Variants in PITPNC1 observed in about 807,000 individuals in gnomAD.
PITPNC1 encodes phosphatidylinositol transfer protein cytoplasmic 1.
A neutral mutation model predicts 44.7 loss-of-function variants in PITPNC1; 18 were observed. The observed-to-expected ratio is 0.40, with a 90% confidence interval of 0.28 to 0.60. PITPNC1 has a LOEUF of 0.60. Among genes scored for constraint, PITPNC1 ranks in the 20% least tolerant of loss-of-function variants. The pLI is 0.39. For missense variants in PITPNC1, 290 were observed against 418.4 expected (o/e 0.69, Z 2.68); for synonymous variants, 141 against 149.6 (o/e 0.94, Z 0.42).
At chr17:67,583,865 T>C (rs571775764) in intron 5 of PITPNC1, among the ~76,000 whole-genome samples, 7 of 118,346 alleles carry the variant, frequency 5.9e-5, no homozygotes. Context: ...CTGGCTAATT[T>C]TGTGTGTGTG....
At chr17:67,466,216 G>A (rs941779360) in intron 1 of PITPNC1, among the ~76,000 whole-genome samples, 3 of 149,682 alleles carry the variant, frequency 2.0e-5, no homozygotes, top group Non-Finnish European at 3.0e-5. Context: ...GGGGGGGGGC[G>A]CGTCTCACGA....
At chr17:67,575,558 C>A (rs2041128852) in intron 4 of PITPNC1, among the ~76,000 whole-genome samples, 1 of 152,080 alleles carries the variant, frequency 6.6e-6, no homozygotes, top group Admixed American at 6.5e-5. Flanking sequence ...ACGTCCCAGG[C>A]CTCTGTCTTC....
intron 6 of PITPNC1, among the ~76,000 whole-genome samples, chr17:67,659,503 G>A (rs2042313313): frequency 6.6e-6 from 1 of 152,120 alleles, no homozygotes; most frequent in Admixed American, 6.5e-5. Context: ...GAGGGTTCCG[G>A]TTTCTGGCTT....
At chr17:67,625,393 C>G (rs2041883637) in intron 5 of PITPNC1, among the ~76,000 whole-genome samples, 1 of 152,114 alleles carries the variant, frequency 6.6e-6, no homozygotes, top group Admixed American at 6.6e-5. Context: ...CTAACGTGAC[C>G]TCAGCAGATC....
chr17:67,419,914 C>G (rs2038646397), intron 1 of PITPNC1, among the ~76,000 whole-genome samples: 1 of 148,398 alleles, frequency 6.7e-6, no homozygotes, highest in Admixed American at 6.8e-5. Flanking sequence ...AAGACCCTGT[C>G]TCAAAAAAAA....
At chr17:67,385,513 G>C (rs1345813853) in intron 1 of PITPNC1, among the ~76,000 whole-genome samples, 2 of 149,748 alleles carry the variant, frequency 1.3e-5, no homozygotes, top group Non-Finnish European at 3.0e-5. Context: ...CACCTTCCAG[G>C]CTGTGGAAGC....
At chr17:67,596,376 G>GA (rs1035663273) in intron 5 of PITPNC1, among the ~76,000 whole-genome samples, 3 of 151,650 alleles carry the variant, frequency 2.0e-5, no homozygotes, top group African/African-American at 2.4e-5. Flanking sequence ...GTTTAAGATA[G>GA]AAAAAAAAGT....
intron 5 of PITPNC1, among the ~76,000 whole-genome samples, chr17:67,601,435 G>C (rs1242620221): frequency 1.3e-5 from 2 of 152,112 alleles, no homozygotes; most frequent in African/African-American, 2.4e-5. Context: ...GAGCTGGTAG[G>C]CCAGTGAGTT....
intron 1 of PITPNC1, among the ~76,000 whole-genome samples, chr17:67,445,192 G>C (rs551782488): frequency 6.6e-6 from 1 of 152,114 alleles, no homozygotes; most frequent in South Asian, 2.1e-4. Flanking sequence ...GTTTTGCCCT[G>C]TGATATGGGT....
chr17:67,640,454 C>A (rs11653071), intron 6 of PITPNC1, among the ~76,000 whole-genome samples: 1 of 151,744 alleles, frequency 6.6e-6, no homozygotes, highest in Admixed American at 6.6e-5. Flanking sequence ...CCGAGGCAGG[C>A]GGATCACTTG....
intron 1 of PITPNC1, among the ~76,000 whole-genome samples, chr17:67,435,065 C>T (rs1191086726): frequency 2.1e-4 from 31 of 146,542 alleles, no homozygotes; most frequent in African/African-American, 7.6e-4. Context: ...GCTGAGATCA[C>T]GCCACTGCAC....
intron 5 of PITPNC1, among the ~76,000 whole-genome samples, chr17:67,608,913 A>T (rs1272412568): frequency 6.6e-6 from 1 of 152,096 alleles, no homozygotes; most frequent in Admixed American, 6.6e-5. Flanking sequence ...GATTAGATTC[A>T]GACTGTGCAT....
In PITPNC1 at chr17:67,442,158, C is replaced by T. The variant is rs958758635; in HGVS notation, c.48+63956C>T. Among the ~76,000 whole-genome samples, 29 of 143,880 alleles carry T rather than the reference C, an allele frequency of 2.0e-4. No individual in the cohort carries two copies. The East Asian group carries it at 6.0e-3, about 30-fold the overall frequency. The allele number at this position is 143,880 out of a possible 152,430, so 94.4% of individuals were successfully genotyped here. A position where few individuals can be genotyped will look rare whatever the true frequency, so the allele number is the denominator to read the frequency against. On this transcript the variant is annotated intron_variant, in intron 1 of 8. Coordinates refer to ENST00000581322, the MANE Select transcript of PITPNC1 (RefSeq NM_012417.4). The stretch of plus-strand genomic sequence containing the variant: ...TCCTCATTTATTGCTATGTTGATTG[C>T]ACTGCCCTGCCAAACCATATTGGAG...
At chr17:67,525,273 G>C (rs1191692304) in intron 1 of PITPNC1, 2 of 152,194 alleles carry the variant, frequency 1.3e-5, no homozygotes, top group African/African-American at 4.8e-5. Flanking sequence ...CCGTGGAATA[G>C]AACAACGGTC....
chr17:67,514,293 G>A (rs1404679937), intron 1 of PITPNC1, among the ~76,000 whole-genome samples: 5 of 151,892 alleles, frequency 3.3e-5, no homozygotes, highest in Non-Finnish European at 7.4e-5. Context: ...TCTGCCTCCC[G>A]GGTTCAAGCA....
At chr17:67,452,790 G>A (rs2039201853) in intron 1 of PITPNC1, among the ~76,000 whole-genome samples, 1 of 152,108 alleles carries the variant, frequency 6.6e-6, no homozygotes, top group Non-Finnish European at 1.5e-5. Flanking sequence ...CTGGCCACTG[G>A]GTCTTATATT....
chr17:67,435,366 G>C (rs377591515), intron 1 of PITPNC1, among the ~76,000 whole-genome samples: 2 of 152,296 alleles, frequency 1.3e-5, no homozygotes, highest in South Asian at 4.1e-4. Flanking sequence ...GCCATTGTAG[G>C]CATTTTTGTA....
At position 67,378,113 on chromosome 17, in the gene PITPNC1, GC is replaced by G. The variant is rs1227186067; in HGVS notation, c.-36del. The G allele has an allele frequency of 1.1e-5, 16 of 1,454,070 alleles. No homozygotes were observed. The highest frequency in any genetic ancestry group is 2.8e-5 in the East Asian group (1 of 36,094). 90.1% of individuals were successfully genotyped at this position (1,454,070 alleles called of 1,614,324 possible). On this transcript the variant is annotated 5_prime_UTR_variant, in exon 1 of 9. Transcript: ENST00000581322. ...CAGCAGCCTTGCTGGTCTTGGGGGC[GC>G]CCCCCGCTTCCCGCCCCGGGGGTCC... is the stretch of plus-strand genomic sequence containing the variant.
chr17:67,640,061 T>C (rs553746496), intron 6 of PITPNC1, among the ~76,000 whole-genome samples: 4 of 152,038 alleles, frequency 2.6e-5, no homozygotes, highest in East Asian at 3.9e-4. Flanking sequence ...TAAGTTCACT[T>C]GGTTGTGCTG....
Sources: gnomAD v4.1 joint callset for allele counts (sites outside exome capture counted in the v4.1 genomes callset) on GRCh38, gnomAD v4.1.1 for gene constraint, MANE v1.5 for transcripts, NCBI Gene and HGNC (gene_info 2026-07-23, HGNC 2026-07-21) for gene names.